KDM2A: variants seen among roughly 807,000 people sequenced by gnomAD.
KDM2A encodes lysine-specific demethylase 2A.
A neutral mutation model predicts 137.3 loss-of-function variants in KDM2A; 3 were observed. The ratio of observed to expected loss-of-function variants is 0.02; its 90% CI spans 0.01 to 0.06. The LOEUF is 0.06. Ranked by LOEUF, KDM2A falls within the 10% of genes least tolerant of loss-of-function variation. The pLI is 1.00. For synonymous variants in KDM2A, 512 were observed against 541.5 expected (o/e 0.95, Z 0.76); for missense variants, 738 against 1,510.6 (o/e 0.49, Z 8.48).
intron 9 of KDM2A, 58 bp downstream of exon 9, chr11:67,217,942 A>C (rs764878559): frequency 9.3e-6 from 13 of 1,404,836 alleles, no homozygotes; most frequent in Non-Finnish European, 1.3e-5. Context: ...TGAAAAAGAA[A>C]TTGATGGATT....
intron 5 of KDM2A, among the ~76,000 whole-genome samples, chr11:67,198,316 ATT>A (rs142427113): frequency 2.5e-4 from 36 of 142,554 alleles, no homozygotes; most frequent in East Asian, 8.3e-4. Flanking sequence ...CAGATAGTGT[ATT>A]TTTTTTTTTT....
In KDM2A at chr11:67,231,964, AG is replaced by A; in HGVS notation, c.1479+7del. The A allele has an allele frequency of 1.2e-6, 2 of 1,607,160 alleles. No homozygotes were observed. Among genetic ancestry groups the A allele is most frequent in the Non-Finnish European group, 1.7e-6 (2 of 1,176,784 alleles). On this transcript the variant is annotated splice_donor_5th_base_variant and intron_variant, in intron 12 of 20. Transcript: ENST00000529006. ...TGCTCTCATTGCTGATGTAAAGGTA[AG>A]GGTTTGATGTGTTACATGACAGCTA...
chr11:67,198,047 A>G (rs751614732), intron 5 of KDM2A, among the ~76,000 whole-genome samples: 5 of 152,206 alleles, frequency 3.3e-5, no homozygotes, highest in African/African-American at 7.2e-5. Flanking sequence ...AAGATTGAAA[A>G]TATATTTACT....
rs551431198 is a variant in KDM2A, at chr11:67,225,996, T to TG, written c.958-2039dup. On this transcript the variant is annotated intron_variant, in intron 10 of 20. Coordinates refer to ENST00000529006, the MANE Select transcript of KDM2A (RefSeq NM_012308.3). ...AGGAGAATCGCTTGAACCCAGGAGG[T>TG]GGAGGTTGCAGTGAGCCAAGATTGC... Among the ~76,000 whole-genome samples the TG allele has an allele frequency of 8.7e-3, 1,321 of 151,844 alleles. 16 individuals carry two copies. Among genetic ancestry groups the TG allele is most frequent in the Non-Finnish European group, 0.011 (753 of 67,938 alleles).
At position 67,169,733 on chromosome 11, in the gene KDM2A, T is replaced by TTCTCTC. The variant is rs71056181; in HGVS notation, c.43-10324_43-10319dup. ...TTTTTTCTTCTCTCTCTCTCTCTCC[T>TTCTCTC]TCTCTCTCTCTCTCTCTCTCTCTCT... is the stretch of plus-strand genomic sequence containing the variant. On this transcript the variant is annotated intron_variant, in intron 2 of 20. Coordinates refer to ENST00000529006, the MANE Select transcript of KDM2A (RefSeq NM_012308.3). Among the ~76,000 whole-genome samples the TTCTCTC allele has an allele frequency of 6.6e-3, 607 of 92,640 alleles. 38 individuals carry two copies. The Middle Eastern group carries it at 0.078, about 12-fold the overall frequency. The allele number at this position is 92,640 out of a possible 152,430, so 60.8% of individuals were successfully genotyped here. A position where few individuals can be genotyped will look rare whatever the true frequency, so the allele number is the denominator to read the frequency against.
chr11:67,247,041 A>T (rs866080826), intron 15 of KDM2A, among the ~76,000 whole-genome samples: 8 of 15,480 alleles, frequency 5.2e-4, no homozygotes, highest in South Asian at 4.5e-3. Context: ...ATTATTTTAT[A>T]TATATATATA....
intron 11 of KDM2A, among the ~76,000 whole-genome samples, chr11:67,231,169 A>T (rs1858707306): frequency 6.6e-6 from 1 of 152,010 alleles, no homozygotes; most frequent in African/African-American, 2.4e-5. Flanking sequence ...CCCAGGCTAA[A>T]ACTATTTTTT....
At chr11:67,133,528 C>T (rs1258982122) in intron 2 of KDM2A, among the ~76,000 whole-genome samples, 1 of 152,066 alleles carries the variant, frequency 6.6e-6, no homozygotes, top group African/African-American at 2.4e-5. Context: ...TCAGCCTCTC[C>T]AGTAGCTTGG....
chr11:67,217,504 A>G, intron 8 of KDM2A: 1 of 541,450 alleles, frequency 1.8e-6, no homozygotes. Flanking sequence ...GATGGTGTAT[A>G]GTCAAACCCA....
At chr11:67,224,629 G>A (rs1022076257) in intron 10 of KDM2A, among the ~76,000 whole-genome samples, 5 of 150,450 alleles carry the variant, frequency 3.3e-5, no homozygotes, top group Admixed American at 6.7e-5. Flanking sequence ...CACCAAGCCC[G>A]GCCAATTTTT....
chr11:67,132,157 T>C (rs1855867797), intron 2 of KDM2A: 1 of 152,228 alleles, frequency 6.6e-6, no homozygotes, highest in Non-Finnish European at 1.5e-5. Context: ...TAAGGCCTAT[T>C]CTGTGGATCT....
At position 67,207,538 on chromosome 11, in the gene KDM2A, C is replaced by T. The variant is rs749052730; in HGVS notation, c.336C>T (p.Asp112=). The change falls in exon 6 of 21, where the codon GAC becomes GAT. Residue 112 remains aspartate, a synonymous_variant. Coordinates refer to ENST00000529006, the MANE Select transcript of KDM2A (RefSeq NM_012308.3). ...VGSRRMVDVM[D]VNTQKGIEMT... ...GTCGTCGCATGGTGGATGTCATGGACGTGAACACACAGAAAGGCATTGAAA... is the reference window on the plus strand; with the variant it reads ...GTCGTCGCATGGTGGATGTCATGGATGTGAACACACAGAAAGGCATTGAAA... 28 of 1,611,006 alleles carry T rather than the reference C, an allele frequency of 1.7e-5. No homozygotes were observed. In the East Asian group the frequency reaches 2.2e-4, roughly 13 times the overall value.
At chr11:67,188,054 A>T (rs1211211040) in intron 5 of KDM2A, among the ~76,000 whole-genome samples, 1 of 152,138 alleles carries the variant, frequency 6.6e-6, no homozygotes, top group African/African-American at 2.4e-5. Context: ...TAGTAATTTT[A>T]AAAGTTGGCT....
At chr11:67,139,546 CTT>C (rs933601974) in intron 2 of KDM2A, among the ~76,000 whole-genome samples, 1 of 151,214 alleles carries the variant, frequency 6.6e-6, no homozygotes, top group Admixed American at 6.6e-5. Context: ...CACCCAGCCT[CTT>C]TTTGTTTTTT....
intron 2 of KDM2A, among the ~76,000 whole-genome samples, chr11:67,156,953 A>AT (rs1856529175): frequency 6.6e-6 from 1 of 152,002 alleles, no homozygotes; most frequent in South Asian, 2.1e-4. Context: ...TTCATTTAAC[A>AT]TGTTGTGGTA....
intron 2 of KDM2A, among the ~76,000 whole-genome samples, chr11:67,148,065 CTT>C (rs1047540597): frequency 3.9e-5 from 6 of 152,100 alleles, no homozygotes; most frequent in East Asian, 1.9e-4. Context: ...GATTGATTGA[CTT>C]AAAGTATTTA....
intron 8 of KDM2A, among the ~76,000 whole-genome samples, chr11:67,217,383 A>G (rs1388444772): frequency 6.6e-6 from 1 of 152,136 alleles, no homozygotes; most frequent in Non-Finnish European, 1.5e-5. Flanking sequence ...CAGTCTCTTG[A>G]AGATACTGTG....
chr11:67,218,785 A>G (rs981638693), intron 9 of KDM2A, among the ~76,000 whole-genome samples: 2 of 151,740 alleles, frequency 1.3e-5, no homozygotes, highest in Admixed American at 6.6e-5. Context: ...TAATTTTTGT[A>G]TTTTTACTAG....
At chr11:67,193,119 A>T (rs1010968672) in intron 5 of KDM2A, among the ~76,000 whole-genome samples, 4 of 152,072 alleles carry the variant, frequency 2.6e-5, no homozygotes, top group African/African-American at 9.7e-5. Flanking sequence ...CCTCCTGAGT[A>T]GCTGGAATTA....
Sources: gnomAD v4.1 joint callset for allele counts (sites outside exome capture counted in the v4.1 genomes callset) on GRCh38, gnomAD v4.1.1 for gene constraint, MANE v1.5 for transcripts, NCBI Gene and HGNC (gene_info 2026-07-23, HGNC 2026-07-21) for gene names.